The following MYO10 variants were observed in gnomAD, a reference collection of about 807,000 sequenced individuals.
MYO10 encodes the protein myosin X.
Under a neutral mutation model 257.3 loss-of-function variants are expected in MYO10, and 133 were observed. The observed-to-expected ratio is 0.52, with a 90% CI of 0.45 to 0.60. MYO10 has a LOEUF of 0.60. MYO10 is among the 20% of genes least tolerant of loss of function. The pLI is 0.00. For synonymous variants in MYO10, 1,104 were observed against 1,028.6 expected (o/e 1.07, Z -1.40); for missense variants, 2,399 against 2,635.7 (o/e 0.91, Z 1.97).
intron 19 of MYO10, among the ~76,000 whole-genome samples, chr5:16,746,835 GA>G (rs1740210936): frequency 6.6e-6 from 1 of 152,142 alleles, no homozygotes; most frequent in Admixed American, 6.6e-5. Flanking sequence ...TACACTCTTG[GA>G]ATTTAGATTC....
chr5:16,775,013 G>A (rs895155677), intron 9 of MYO10, among the ~76,000 whole-genome samples: 57 of 152,128 alleles, frequency 3.7e-4, no homozygotes, highest in Admixed American at 3.3e-3. Context: ...GTAAACATTC[G>A]ATATTTGTGG....
intron 10 of MYO10, 77 bp from the exon 11 acceptor site, chr5:16,766,275 G>A: frequency 6.7e-6 from 7 of 1,048,766 alleles, no homozygotes; most frequent in Non-Finnish European, 1.0e-5. Context: ...CCTTAACGCA[G>A]AGAACACACC....
chr5:16,831,748 A>G (rs1743168833), intron 2 of MYO10, among the ~76,000 whole-genome samples: 1 of 152,190 alleles, frequency 6.6e-6, no homozygotes, highest in African/African-American at 2.4e-5. Context: ...GGTGAGGGAT[A>G]AAAGACTACA....
intron 3 of MYO10, chr5:16,815,461 C>T (rs758458563): frequency 2.9e-6 from 2 of 700,904 alleles, no homozygotes; most frequent in South Asian, 3.0e-5. Context: ...AACCTATCTG[C>T]ACCTACAAGA....
In MYO10 at chr5:16,696,584, G is replaced by A. The variant is rs537279359; in HGVS notation, c.3557-1970C>T. Among the ~76,000 whole-genome samples the A allele has an allele frequency of 5.1e-3, 780 of 151,858 alleles. 6 individuals are homozygous for A. Among genetic ancestry groups the A allele is most frequent in the African/African-American group, 0.018 (751 of 41,428 alleles). On this transcript the variant is annotated intron_variant, in intron 26 of 40. Transcript: ENST00000513610. Reference sequence around the variant, plus strand: ...GTATAATAAATCAATGCTGCCGGGCGTGGTGTCTCACGCCTGTAATCCCAG... The same window carrying A: ...GTATAATAAATCAATGCTGCCGGGCATGGTGTCTCACGCCTGTAATCCCAG...
chr5:16,761,602 T>C (rs1740715697), intron 16 of MYO10, 56 bp from the exon 17 acceptor site: 2 of 1,269,392 alleles, frequency 1.6e-6, no homozygotes, highest in Non-Finnish European at 2.3e-6. Context: ...TTTCAGGTCA[T>C]AAGCAACTTC....
chr5:16,832,415 C>CA (rs1425995577), intron 2 of MYO10, among the ~76,000 whole-genome samples: 3 of 152,076 alleles, frequency 2.0e-5, no homozygotes, highest in African/African-American at 7.2e-5. Flanking sequence ...GAACAGCTTT[C>CA]AAAAAACAAC....
intron 2 of MYO10, among the ~76,000 whole-genome samples, chr5:16,868,004 GA>G (rs1744330167): frequency 2.0e-5 from 3 of 152,180 alleles, no homozygotes; most frequent in South Asian, 4.1e-4. Context: ...TCGCCTTGAT[GA>G]AATGGGCTGC....
Position 16,930,819 on chromosome 5 carries a change from T to C in MYO10, c.21+4969A>G, listed in dbSNP as rs962432874. ...AGGGAGCCAAGCGCTACTGCTAAGATAGGATGCTCTGCACTCAGCCTGGGG... is the reference window on the plus strand; with the variant it reads ...AGGGAGCCAAGCGCTACTGCTAAGACAGGATGCTCTGCACTCAGCCTGGGG... On this transcript the variant is annotated intron_variant, in intron 1 of 40. Coordinates refer to ENST00000513610, the MANE Select transcript of MYO10 (RefSeq NM_012334.3). Among the ~76,000 whole-genome samples, 8 of 152,320 alleles carry C rather than the reference T, an allele frequency of 5.3e-5. No individual in the cohort carries two copies. The East Asian group carries it at 1.3e-3, about 26-fold the overall frequency.
At chr5:16,758,045 C>T (rs187374083) in intron 18 of MYO10, 73 bp downstream of exon 18, 2 of 1,141,570 alleles carry the variant, frequency 1.8e-6, no homozygotes, top group African/African-American at 3.1e-5. Context: ...ACTTCACATA[C>T]ACCCAAATCC....
chr5:16,832,105 C>T (rs1212321866), intron 2 of MYO10, among the ~76,000 whole-genome samples: 1 of 151,848 alleles, frequency 6.6e-6, no homozygotes, highest in Non-Finnish European at 1.5e-5. Context: ...TGCCACCACG[C>T]CCTGCTAATT....
chr5:16,839,513 G>A (rs2126725515), intron 2 of MYO10, among the ~76,000 whole-genome samples: 1 of 152,256 alleles, frequency 6.6e-6, no homozygotes, highest in Middle Eastern at 3.4e-3. Flanking sequence ...GGGGGCCAAG[G>A]TAGGAGGACT....
At position 16,736,271 on chromosome 5, in the gene MYO10, T is replaced by A. The variant is rs145277181; in HGVS notation, c.1929+18557A>T. Among the ~76,000 whole-genome samples, 598 of 152,284 alleles carry A rather than the reference T, an allele frequency of 3.9e-3. 1 individual carries two copies. The highest frequency in any genetic ancestry group is 6.3e-3 in the Admixed American group (97 of 15,288). ...TGTAGTTAATTATTTTAATTGAGCA[T>A]GAGAAGGGAAAGGCTTGAACTCTAA... is the stretch of plus-strand genomic sequence containing the variant. On this transcript the variant is annotated intron_variant, in intron 19 of 40. Coordinates refer to ENST00000513610, the MANE Select transcript of MYO10 (RefSeq NM_012334.3).
chr5:16,709,856 C>T (rs996870315), intron 21 of MYO10, among the ~76,000 whole-genome samples: 1 of 151,908 alleles, frequency 6.6e-6, no homozygotes, highest in East Asian at 2.0e-4. Flanking sequence ...GTTTATATCT[C>T]AAATCCGTCA....
At position 16,887,560 on chromosome 5, in the gene MYO10, G is replaced by A. The variant is rs538523347; in HGVS notation, c.22-9853C>T. Among the ~76,000 whole-genome samples the A allele has an allele frequency of 3.6e-4, 55 of 152,224 alleles. 1 individual carries two copies. Among genetic ancestry groups the A allele is most frequent in the African/African-American group, 1.3e-3 (53 of 41,530 alleles). On this transcript the variant is annotated intron_variant, in intron 1 of 40. Coordinates refer to ENST00000513610, the MANE Select transcript of MYO10 (RefSeq NM_012334.3). ...GGCTGGAATGCAGTGGCATGATCTC[G>A]GCTTACTGAAATCTCTGCCTTCTGG...
Position 16,925,803 on chromosome 5 carries a change from G to A in MYO10, c.21+9985C>T, listed in dbSNP as rs145135947. 4.9e-4 allele frequency among the ~76,000 whole-genome samples: 74 copies of A among 152,280 alleles called. 1 individual carries two copies. Among genetic ancestry groups the A allele is most frequent in the African/African-American group, 1.8e-3 (74 of 41,552 alleles). On this transcript the variant is annotated intron_variant, in intron 1 of 40. Coordinates refer to ENST00000513610, the MANE Select transcript of MYO10 (RefSeq NM_012334.3). ...GAAATGGTGATAAATCACAATATCAGCAATAATGACTCACATAGACTGCCT... is the reference window on the plus strand; with the variant it reads ...GAAATGGTGATAAATCACAATATCAACAATAATGACTCACATAGACTGCCT...
intron 2 of MYO10, among the ~76,000 whole-genome samples, chr5:16,827,963 T>C (rs539741713): frequency 6.6e-6 from 1 of 152,270 alleles, no homozygotes; most frequent in African/African-American, 2.4e-5. Flanking sequence ...TTTCTTGGTA[T>C]CATGGGGAAG....
At chr5:16,898,986 T>G (rs1260071284) in intron 1 of MYO10, among the ~76,000 whole-genome samples, 1 of 141,010 alleles carries the variant, frequency 7.1e-6, no homozygotes, top group Non-Finnish European at 1.6e-5. Flanking sequence ...AATACAAAAA[T>G]TAGCTGGGCA....
intron 3 of MYO10, among the ~76,000 whole-genome samples, chr5:16,806,267 GAGGTGGAGGTTGC>G (rs1742273273): frequency 6.6e-6 from 1 of 151,046 alleles, no homozygotes; most frequent in Non-Finnish European, 1.5e-5. Flanking sequence ...GAAGAATCGG[GAGGTGGAGGTTGC>G]AGTGAGCCAG....
Sources: allele counts gnomAD v4.1 joint callset (sites outside exome capture counted in the v4.1 genomes callset), GRCh38; gene constraint gnomAD v4.1.1; transcripts MANE v1.5; gene names NCBI Gene and HGNC (gene_info 2026-07-23, HGNC 2026-07-21).